ZFYVE1: variants seen among roughly 807,000 people sequenced by gnomAD.
ZFYVE1 encodes the protein zinc finger FYVE-type containing 1.
Under a neutral mutation model 74.4 loss-of-function variants are expected in ZFYVE1, and 30 were observed. The observed-to-expected ratio is 0.40, with a 90% CI of 0.30 to 0.55. The LOEUF (loss-of-function observed/expected upper bound fraction) is 0.55. ZFYVE1 is among the 20% of genes least tolerant of loss of function. ZFYVE1 has a pLI of 0.42. For synonymous variants in ZFYVE1, 335 were observed against 385.1 expected (o/e 0.87, Z 1.52); for missense variants, 703 against 1,011.6 (o/e 0.69, Z 4.14).
intron 5 of ZFYVE1, among the ~76,000 whole-genome samples, chr14:72,980,835 C>T (rs192230864): frequency 7.4e-4 from 112 of 152,248 alleles, no homozygotes; most frequent in African/African-American, 2.6e-3. Flanking sequence ...GGATTACAGG[C>T]GTAAGCCACC....
chr14:72,999,153 G>A (rs571109874), intron 2 of ZFYVE1, among the ~76,000 whole-genome samples: 2 of 152,040 alleles, frequency 1.3e-5, no homozygotes, highest in Non-Finnish European at 1.5e-5. Flanking sequence ...ATGAGGCCGG[G>A]TGCGGTGGCT....
intron 2 of ZFYVE1, among the ~76,000 whole-genome samples, chr14:73,014,324 CAT>C (rs571298779): frequency 6.6e-6 from 1 of 152,204 alleles, no homozygotes. Flanking sequence ...ACTGAAGGCA[CAT>C]AATAGGGTTT....
At position 73,024,093 on chromosome 14, in the gene ZFYVE1, G is replaced by A; in HGVS notation, c.416C>T (p.Thr139Ile). The change falls in exon 2 of 12, where the codon ACC (threonine) becomes ATC (isoleucine). Residue 139 changes from threonine to isoleucine, a missense_variant. Around this residue, in one of 2 missense-constraint regions of ZFYVE1, gnomAD observed 211 missense variants for 221.7 expected, o/e 0.95. Transcript: ENST00000556143. ...SLEAEEMDEE[T>I]KRKKMTEKVV... is the part of the protein sequence containing the mutation. ...CTTCTCAGTCATCTTCTTCCTCTTGGTCTCCTCATCCATCTCTTCTGCCTC... is the reference window on the plus strand; with the variant it reads ...CTTCTCAGTCATCTTCTTCCTCTTGATCTCCTCATCCATCTCTTCTGCCTC... 2 of 1,613,972 alleles carry A rather than the reference G, an allele frequency of 1.2e-6. No homozygotes were observed. The highest frequency in any genetic ancestry group is 8.5e-7 in the Non-Finnish European group (1 of 1,180,010).
At chr14:73,006,709 C>CTTTTTT (rs35364666) in intron 2 of ZFYVE1, among the ~76,000 whole-genome samples, 15 of 77,684 alleles carry the variant, frequency 1.9e-4, no homozygotes, top group East Asian at 4.8e-4. Context: ...ACCCCAGTTC[C>CTTTTTT]TTTTTTTTTT....
chr14:72,994,322 CAAA>C (rs71109776), intron 3 of ZFYVE1, among the ~76,000 whole-genome samples: 197 of 31,076 alleles, frequency 6.3e-3, no homozygotes, highest in Non-Finnish European at 9.9e-3. Context: ...GACGCTGTCT[CAAA>C]AAAAAAAAAA....
Position 73,024,364 on chromosome 14 carries a change from G to A in ZFYVE1, c.145C>T (p.Leu49Phe). Residue 49 changes from leucine (L) to phenylalanine (F), a missense_variant, in exon 2 of 12, where the codon CTC becomes TTC. Transcript: ENST00000556143. ...SLQCLRCEEE[L>F]HRQERLRNHE... is the part of the protein sequence containing the mutation. The stretch of plus-strand genomic sequence containing the variant: ...TTTCTCAGGCGCTCCTGCCGATGGA[G>A]CTCCTCCTCGCAGCGGAGACACTGC... 1 of 1,614,168 alleles carries A rather than the reference G, an allele frequency of 6.2e-7. No homozygotes were observed. Among genetic ancestry groups the A allele is most frequent in the Non-Finnish European group, 8.5e-7 (1 of 1,180,034 alleles).
intron 8 of ZFYVE1, among the ~76,000 whole-genome samples, chr14:72,976,412 A>G (rs1417781269): frequency 6.6e-6 from 1 of 152,158 alleles, no homozygotes; most frequent in East Asian, 1.9e-4. Context: ...CATTATGCCA[A>G]GGAGGTGGGC....
intron 2 of ZFYVE1, among the ~76,000 whole-genome samples, chr14:73,022,636 T>C (rs1894340346): frequency 6.6e-6 from 1 of 152,194 alleles, no homozygotes; most frequent in Non-Finnish European, 1.5e-5. Flanking sequence ...TATATAGTGA[T>C]TGGTAAACAA....
rs1489965604 is a variant in ZFYVE1, at chr14:72,970,533, T to C, written c.*349A>G. Reference sequence around the variant, plus strand: ...CCACCTCACCCTGTGCGGAGGAGACTGTGCGAAGTCTTCACAGCCAGCAGC... The same window carrying C: ...CCACCTCACCCTGTGCGGAGGAGACCGTGCGAAGTCTTCACAGCCAGCAGC... On this transcript the variant is annotated 3_prime_UTR_variant, in exon 12 of 12. Coordinates refer to ENST00000556143, the MANE Select transcript of ZFYVE1 (RefSeq NM_021260.4). The C allele has an allele frequency of 3.6e-6, 1 of 276,252 alleles. No individual in the cohort carries two copies. Among genetic ancestry groups the C allele is most frequent in the African/African-American group, 2.2e-5 (1 of 46,040 alleles). The allele number at this position is 276,252 out of a possible 1,614,324, so 17.1% of individuals were successfully genotyped here.
At chr14:72,999,985 C>T (rs1326388262) in intron 2 of ZFYVE1, among the ~76,000 whole-genome samples, 2 of 152,070 alleles carry the variant, frequency 1.3e-5, no homozygotes, top group African/African-American at 2.4e-5. Context: ...TGCTTGAACC[C>T]GGGAGGCAGA....
chr14:73,022,374 C>A (rs1894336148), intron 2 of ZFYVE1, among the ~76,000 whole-genome samples: 1 of 152,152 alleles, frequency 6.6e-6, no homozygotes, highest in South Asian at 2.1e-4. Context: ...GGCAGCCTCT[C>A]AAATGGTAAC....
intron 1 of ZFYVE1, among the ~76,000 whole-genome samples, chr14:73,026,027 G>C (rs12884060): frequency 6.6e-6 from 1 of 151,430 alleles, no homozygotes; most frequent in South Asian, 2.1e-4. Context: ...TTCAACTCTA[G>C]CTAGATGTAT....
chr14:72,976,760 G>C (rs1233989308), intron 8 of ZFYVE1, among the ~76,000 whole-genome samples: 5 of 149,442 alleles, frequency 3.3e-5, no homozygotes, highest in African/African-American at 1.2e-4. Context: ...TCCAGCCTGG[G>C]TGACAGAGCA....
At chr14:73,022,445 A>G (rs759081478) in intron 2 of ZFYVE1, among the ~76,000 whole-genome samples, 1 of 152,182 alleles carries the variant, frequency 6.6e-6, no homozygotes, top group Non-Finnish European at 1.5e-5. Context: ...AAAAGTACTG[A>G]GTCAGTGGAC....
chr14:72,994,471 G>A (rs1037051578), intron 3 of ZFYVE1, among the ~76,000 whole-genome samples: 23 of 152,034 alleles, frequency 1.5e-4, no homozygotes, highest in African/African-American at 5.1e-4. Context: ...GAGGAGGGCT[G>A]GTGTCCTATG....
At position 72,975,445 on chromosome 14, in the gene ZFYVE1, A is replaced by G; in HGVS notation, c.1806+106T>C. Reference sequence around the variant, plus strand: ...TACTCACAGAGCTCACTGCACTGGCAGAAAATGTTTGCGTCTCCCTCACAG... The same window carrying G: ...TACTCACAGAGCTCACTGCACTGGCGGAAAATGTTTGCGTCTCCCTCACAG... On this transcript the variant is annotated intron_variant, in intron 9 of 11. Coordinates refer to ENST00000556143, the MANE Select transcript of ZFYVE1 (RefSeq NM_021260.4). This position sits in a 1 kb window ranked among gnomAD's most constrained non-coding sequence, Gnocchi z 4.1. 2 of 1,423,548 alleles carry G rather than the reference A, an allele frequency of 1.4e-6. No individual in the cohort carries two copies. Among genetic ancestry groups the G allele is most frequent in the Admixed American group, 4.8e-5 (2 of 41,960 alleles). The allele number at this position is 1,423,548 out of a possible 1,614,324, so 88.2% of individuals were successfully genotyped here. A position where few individuals can be genotyped will look rare whatever the true frequency, so the allele number is the denominator to read the frequency against.
intron 4 of ZFYVE1, among the ~76,000 whole-genome samples, chr14:72,984,374 C>T (rs867862810): frequency 2.5e-4 from 38 of 151,794 alleles, no homozygotes; most frequent in African/African-American, 8.2e-4. Flanking sequence ...ACTAAAAATA[C>T]AAAAATTAGC....
chr14:73,023,357 TTA>T lies in ZFYVE1; in HGVS notation c.483+667_483+668del, dbSNP rs1354340685. ...ATATATGTTTTATATATAATATATA[TTA>T]TATATGTTTTATATATAATATATAT... is the stretch of plus-strand genomic sequence containing the variant. On this transcript the variant is annotated intron_variant, in intron 2 of 11. Coordinates refer to ENST00000556143, the MANE Select transcript of ZFYVE1 (RefSeq NM_021260.4). Among the ~76,000 whole-genome samples, 249 of 51,512 alleles carry T rather than the reference TTA, an allele frequency of 4.8e-3. 2 individuals are homozygous for T. The highest frequency in any genetic ancestry group is 0.013 in the African/African-American group (174 of 13,358). 33.8% of individuals were successfully genotyped at this position (51,512 alleles called of 152,430 possible).
intron 2 of ZFYVE1, among the ~76,000 whole-genome samples, chr14:73,003,195 C>T (rs535102743): frequency 2.1e-4 from 32 of 151,872 alleles, no homozygotes; most frequent in Non-Finnish European, 2.9e-4. Context: ...GCTGGTACTA[C>T]AGGCACATGT....
Sources: gnomAD v4.1 joint callset for allele counts (sites outside exome capture counted in the v4.1 genomes callset) on GRCh38, gnomAD v4.1.1 for gene constraint, gnomAD v4.1.1 regional missense constraint, Gnocchi (gnomAD v3.1) non-coding constraint, MANE v1.5 for transcripts, NCBI Gene and HGNC (gene_info 2026-07-23, HGNC 2026-07-21) for gene names.